PPM1K: variants seen among roughly 807,000 people sequenced by gnomAD.
PPM1K encodes protein phosphatase Mn(2+)-dependent 1K.
A neutral mutation model predicts 32.6 loss-of-function variants in PPM1K; 19 were observed. The observed-to-expected ratio is 0.58, with a 90% CI of 0.41 to 0.86. The LOEUF (loss-of-function observed/expected upper bound fraction) is 0.86, where lower values mean the gene tolerates loss of function less well. Ranked by LOEUF, PPM1K falls within the 40% of genes least tolerant of loss-of-function variation. The pLI, the probability that PPM1K is intolerant of heterozygous loss-of-function variation, is 0.00. For synonymous variants in PPM1K, 159 were observed against 165.3 expected, an observed-to-expected ratio of 0.96 and a Z score of 0.29; for missense variants, 362 against 461.2, an observed-to-expected ratio of 0.78 and a Z score of 1.97.
rs1191740295 is a variant in PPM1K at position 88,259,436 on chromosome 4, T to C, written c.*3159A>G. The C allele has an allele frequency of 3.3e-5, 5 of 152,226 alleles. No homozygotes were observed. The highest frequency in any genetic ancestry group is 7.3e-5 in the Non-Finnish European group (5 of 68,040). The allele number at this position is 152,226 out of a possible 1,614,324, so 9.4% of individuals were successfully genotyped here. On this transcript the variant is annotated 3_prime_UTR_variant, in exon 7 of 7. Transcript: ENST00000608933. ...TGGTGGCAAATAGTTTGGCAACACA[T>C]ATTAGAAAGGTGATTTCTATACTAC...
rs2110152223 is a variant in PPM1K, at chr4:88,262,417, C to T, written c.*178G>A. On this transcript the variant is annotated 3_prime_UTR_variant, in exon 7 of 7. Coordinates refer to ENST00000608933, the MANE Select transcript of PPM1K (RefSeq NM_152542.5). The stretch of plus-strand genomic sequence containing the variant: ...TAGCTTCACTACACATATATTTATA[C>T]TGAACATGTACAGCGGAACATAAAT... The T allele has an allele frequency of 1.7e-6, 1 of 596,552 alleles. No individual in the cohort carries two copies. Among genetic ancestry groups the T allele is most frequent in the Non-Finnish European group, 2.8e-6 (1 of 355,326 alleles). 37.0% of individuals were successfully genotyped at this position (596,552 alleles called of 1,614,324 possible). A position where few individuals can be genotyped will look rare whatever the true frequency, so the allele number is the denominator to read the frequency against.
At chr4:88,274,388 G>A (rs34752329) in intron 3 of PPM1K, among the ~76,000 whole-genome samples, 49,223 of 152,036 alleles carry the variant, frequency 0.32, 8,794 homozygotes, top group Non-Finnish European at 0.4. Context: ...AAGAGTCAGC[G>A]TGGAGATCTC....
chr4:88,266,895 TGTGCAGGTGATGCTGATTGG>T (rs1217543188), intron 5 of PPM1K, among the ~76,000 whole-genome samples: 1 of 114,264 alleles, frequency 8.8e-6, no homozygotes, highest in Non-Finnish European at 1.8e-5. Context: ...ATGCTGGCTG[TGTGCAGGTGATGCTGATTGG>T]GTGCAGGTGG....
chr4:88,278,045 A>T lies in PPM1K; in HGVS notation c.440+99T>A. The T allele has an allele frequency of 1.1e-6, 1 of 945,502 alleles. No individual in the cohort carries two copies. The highest frequency in any genetic ancestry group is 1.6e-6 in the Non-Finnish European group (1 of 628,148). The allele number at this position is 945,502 out of a possible 1,614,324, so 58.6% of individuals were successfully genotyped here. A position where few individuals can be genotyped will look rare whatever the true frequency, so the allele number is the denominator to read the frequency against. ...GTGAAGCAGCAGCATGCAACCACTC[A>T]AGTAACTATGTTTACGCTGGAAGCC... On this transcript the variant is annotated intron_variant, in intron 2 of 6. Coordinates refer to ENST00000608933, the MANE Select transcript of PPM1K (RefSeq NM_152542.5). The surrounding 1 kb of genome is among the most constrained non-coding windows in gnomAD (Gnocchi z 4.2).
chr4:88,267,357 A>T (rs114601380), intron 5 of PPM1K, among the ~76,000 whole-genome samples: 310 of 142,356 alleles, frequency 2.2e-3, no homozygotes, highest in African/African-American at 7.9e-3. Flanking sequence ...GATGCAGGTG[A>T]TGCTGATTGT....
rs1273627600 is a variant in PPM1K, at chr4:88,260,198, CCCA to C, written c.*2394_*2396del. On this transcript the variant is annotated 3_prime_UTR_variant, in exon 7 of 7. Transcript: ENST00000608933. ...TCCCCAGTAGCTGGGATTACAGGCA[CCCA>C]CCACCACGCCTGGCTAATTTTTGCA... 1 of 152,122 alleles carries C rather than the reference CCCA, an allele frequency of 6.6e-6. No individual in the cohort carries two copies. Among genetic ancestry groups the C allele is most frequent in the Non-Finnish European group, 1.5e-5 (1 of 68,070 alleles). The allele number at this position is 152,122 out of a possible 1,614,324, so 9.4% of individuals were successfully genotyped here.
intron 5 of PPM1K, 59 bp from the exon 6 acceptor site, chr4:88,265,194 G>T (rs753690205): frequency 3.6e-5 from 58 of 1,593,484 alleles, no homozygotes; most frequent in Non-Finnish European, 5.0e-5. Context: ...GCACAATCTC[G>T]CTAATTCAAA....
rs569624511 is a variant in PPM1K, at chr4:88,278,410, T to C, written c.174A>G (p.Pro58=). ...SRFDPDGSGS[P]ATWDNFGIWD... ...AGATCCCAAAATTGTCCCAGGTAGC[T>C]GGACTCCCACTACCATCTGGGTCAA... Residue 58 remains proline, a synonymous_variant, in exon 2 of 7, where the codon CCA becomes CCG. Transcript: ENST00000608933. The surrounding 1 kb of genome is among the most constrained non-coding windows in gnomAD (Gnocchi z 4.2). The C allele has an allele frequency of 3.1e-6, 5 of 1,614,204 alleles. No homozygotes were observed. In the African/African-American group the frequency reaches 6.7e-5, roughly 22 times the overall value.
rs1394703226 is a variant in PPM1K at position 88,268,308 on chromosome 4, G to A, written c.734C>T (p.Ala245Val). Residue 245 changes from alanine (A) to valine (V), a missense_variant, in exon 5 of 7, where the codon GCT becomes GTT. Ala to Val is a moderately conservative substitution (Grantham distance 64). Coordinates refer to ENST00000608933, the MANE Select transcript of PPM1K (RefSeq NM_152542.5). The stretch of plus-strand genomic sequence containing the variant: ...GTGAGGCTGCCCCAAACTATTCCAA[G>A]CTACAAAACCACCACATTTCTTGAT... ...ERIKKCGGFV[A>V]WNSLGQPHVN... 6.2e-7 allele frequency: 1 copy of A among 1,614,150 alleles called. No individual in the cohort carries two copies. Among genetic ancestry groups the A allele is most frequent in the East Asian group, 2.2e-5 (1 of 44,890 alleles).
At chr4:88,282,038 A>C (rs1168405070) in intron 1 of PPM1K, among the ~76,000 whole-genome samples, 1 of 152,106 alleles carries the variant, frequency 6.6e-6, no homozygotes, top group African/African-American at 2.4e-5. Context: ...ACACCTAAGG[A>C]TTGTCTTTTG....
At chr4:88,270,597 A>G (rs182046750) in intron 3 of PPM1K, among the ~76,000 whole-genome samples, 6 of 152,366 alleles carry the variant, frequency 3.9e-5, no homozygotes, top group African/African-American at 1.4e-4. Flanking sequence ...CACGGCATTT[A>G]TTCAGATGCT....
At chr4:88,267,707 A>T (rs1161279378) in intron 5 of PPM1K, among the ~76,000 whole-genome samples, 1 of 152,224 alleles carries the variant, frequency 6.6e-6, no homozygotes, top group East Asian at 1.9e-4. Flanking sequence ...GAAATCTGGG[A>T]ACAGGTTTTA....
intron 5 of PPM1K, among the ~76,000 whole-genome samples, chr4:88,267,637 C>T (rs1050974354): frequency 6.6e-6 from 1 of 152,202 alleles, no homozygotes; most frequent in East Asian, 1.9e-4. Context: ...GACATCAGTC[C>T]TTCTTTACTG....
intron 1 of PPM1K, among the ~76,000 whole-genome samples, chr4:88,280,631 C>T (rs528090343): frequency 1.3e-4 from 20 of 152,234 alleles, no homozygotes; most frequent in African/African-American, 3.9e-4. Flanking sequence ...GGCGTGGTTC[C>T]GCATGCCTGT....
chr4:88,274,380 GAGTC>G (rs2110166279), intron 3 of PPM1K, among the ~76,000 whole-genome samples: 1 of 152,338 alleles, frequency 6.6e-6, no homozygotes, highest in South Asian at 2.1e-4. Flanking sequence ...CAGTGAGAAA[GAGTC>G]AGCGTGGAGA....
chr4:88,267,254 G>A (rs1044094402), intron 5 of PPM1K, among the ~76,000 whole-genome samples: 15 of 151,320 alleles, frequency 9.9e-5, no homozygotes, highest in Admixed American at 9.2e-4. Context: ...CTGATTGGGT[G>A]TGGGTGATGC....
intron 3 of PPM1K, among the ~76,000 whole-genome samples, chr4:88,272,011 G>T (rs1327193164): frequency 2.0e-5 from 3 of 152,098 alleles, no homozygotes; most frequent in Non-Finnish European, 2.9e-5. Context: ...CACATCAAAA[G>T]AAAAATGATC....
chr4:88,283,582 T>C lies in PPM1K; in HGVS notation c.-60+824A>G, dbSNP rs996705064. Among the ~76,000 whole-genome samples the C allele has an allele frequency of 8.5e-5, 13 of 152,384 alleles. No individual in the cohort carries two copies. In the South Asian group the frequency reaches 1.0e-3, roughly 12 times the overall value. On this transcript the variant is annotated intron_variant, in intron 1 of 6. Transcript: ENST00000608933. ...TTGAGACTGCAAATTCCCTGGCTAT[T>C]TCCACCTGGAGCCTCTTTGTCACAT...
chr4:88,277,292 T>A (rs1731817168), intron 2 of PPM1K, 49 bp from the exon 3 acceptor site: 6 of 1,267,392 alleles, frequency 4.7e-6, no homozygotes, highest in Non-Finnish European at 5.8e-6. Context: ...TTACAATAGG[T>A]TTTTCTCCTC....
Sources: allele counts gnomAD v4.1 joint callset (sites outside exome capture counted in the v4.1 genomes callset), GRCh38; gene constraint gnomAD v4.1.1; non-coding constraint Gnocchi (gnomAD v3.1); transcripts MANE v1.5; gene names NCBI Gene and HGNC (gene_info 2026-07-23, HGNC 2026-07-21).